Variants in PSG2 observed in about 807,000 individuals in gnomAD.
PSG2 encodes pregnancy specific beta-1-glycoprotein 2, also known as pregnancy-specific beta-1-glycoprotein 2.
Under a neutral mutation model 36.2 loss-of-function variants are expected in PSG2, and 49 were observed. That is an observed-to-expected ratio of 1.35 (90% CI 1.08 to 1.72). The LOEUF (loss-of-function observed/expected upper bound fraction) is 1.72. Ranked by LOEUF, PSG2 falls within the 40% of genes most tolerant of loss-of-function variation. The probability of loss-of-function intolerance (pLI) is 0.00; values close to 1 mark genes in which losing one functional copy is unlikely to be tolerated. For synonymous variants in PSG2, 261 were observed against 155.6 expected (o/e 1.68, Z -5.04); for missense variants, 605 against 407.2 (o/e 1.49, Z -4.18).
chr19:43,074,164 T>G (rs4803569), intron 3 of PSG2, among the ~76,000 whole-genome samples: 24,965 of 151,494 alleles, frequency 0.16, 2,648 homozygotes, highest in East Asian at 0.49. Flanking sequence ...ACAGTGTTTC[T>G]GTTGTGGCAG....
At chr19:43,067,826 G>C (rs1433511584) in intron 4 of PSG2, among the ~76,000 whole-genome samples, 1 of 151,414 alleles carries the variant, frequency 6.6e-6, no homozygotes, top group South Asian at 2.1e-4. Flanking sequence ...TAAGGAATCA[G>C]AGGTTCAGAG....
At chr19:43,071,668 C>A (rs759216184) in intron 4 of PSG2, 32 bp downstream of exon 4, 5 of 1,612,656 alleles carry the variant, frequency 3.1e-6, no homozygotes, top group South Asian at 1.1e-5. Flanking sequence ...CCACCTAAAA[C>A]CCTACTGCCA....
Position 43,064,620 on chromosome 19 carries a change from T to G in PSG2, c.*41-19A>C, listed in dbSNP as rs1297127325. On this transcript the variant is annotated intron_variant, in intron 5 of 5. Transcript: ENST00000406487. ...AAATCTCCTTGAAGAAAAAGCAATTTTGGACTGTAGGTGATTGTAAGTAGT... is the reference window on the plus strand; with the variant it reads ...AAATCTCCTTGAAGAAAAAGCAATTGTGGACTGTAGGTGATTGTAAGTAGT... The G allele has an allele frequency of 4.7e-6, 3 of 632,512 alleles. No individual in the cohort carries two copies. In the South Asian group the frequency reaches 4.8e-5, roughly 10 times the overall value. 39.2% of individuals were successfully genotyped at this position (632,512 alleles called of 1,614,324 possible).
intron 4 of PSG2, 101 bp from the exon 5 acceptor site, chr19:43,066,701 T>C (rs45479292): frequency 0.11 from 148,492 of 1,402,194 alleles, 8,930 homozygotes; most frequent in Admixed American, 0.18. Flanking sequence ...TATAATTGTT[T>C]CTTCAAGGAC....
At chr19:43,075,660 C>A in intron 2 of PSG2, 28 bp from the exon 3 acceptor site, 1 of 1,598,568 alleles carries the variant, frequency 6.3e-7, no homozygotes, top group Non-Finnish European at 8.5e-7. Flanking sequence ...AGAAGATTGC[C>A]CTGTGTGGCA....
intron 1 of PSG2, among the ~76,000 whole-genome samples, chr19:43,081,574 T>C (rs144986888): frequency 2.0e-5 from 3 of 151,620 alleles, no homozygotes; most frequent in Non-Finnish European, 4.4e-5. Context: ...CACATCAGGG[T>C]ATCCTAAGAC....
chr19:43,073,360 C>T (rs1599707642), intron 3 of PSG2, among the ~76,000 whole-genome samples: 1 of 151,826 alleles, frequency 6.6e-6, no homozygotes, highest in Middle Eastern at 3.4e-3. Context: ...TGTTCCCTGT[C>T]TTGGGTTCTT....
chr19:43,070,144 T>G (rs1967795755), intron 4 of PSG2, among the ~76,000 whole-genome samples: 1 of 151,582 alleles, frequency 6.6e-6, no homozygotes, highest in Admixed American at 6.6e-5. Context: ...TTACACCACC[T>G]CACACACTTT....
chr19:43,070,938 T>C lies in PSG2; in HGVS notation c.964+762A>G, dbSNP rs1007911659. 8.6e-5 allele frequency among the ~76,000 whole-genome samples: 13 copies of C among 151,626 alleles called. 1 individual carries two copies. The highest frequency in any genetic ancestry group is 3.2e-4 in the African/African-American group (13 of 41,040). ...AGCTCCAGGGGTGAATCTCCCTATT[T>C]CTCTAGCTCTGCATCAGTCACAGTC... On this transcript the variant is annotated intron_variant, in intron 4 of 5. Transcript: ENST00000406487.
intron 2 of PSG2, among the ~76,000 whole-genome samples, chr19:43,077,334 G>A (rs1442082275): frequency 1.3e-5 from 2 of 151,680 alleles, no homozygotes; most frequent in Non-Finnish European, 2.9e-5. Context: ...AAGGGAGGAA[G>A]GATGCCAAAT....
chr19:43,072,722 A>G, intron 3 of PSG2: 2 of 1,557,528 alleles, frequency 1.3e-6, no homozygotes, highest in Admixed American at 1.8e-5. Flanking sequence ...CCCACCTCTC[A>G]GCCCACCTGA....
intron 4 of PSG2, among the ~76,000 whole-genome samples, chr19:43,070,030 A>G (rs1967794223): frequency 6.6e-6 from 1 of 151,786 alleles, no homozygotes; most frequent in Admixed American, 6.6e-5. Flanking sequence ...ACAAAAGATT[A>G]AAATGGAGTT....
chr19:43,074,610 T>G (rs1812661788), intron 3 of PSG2, among the ~76,000 whole-genome samples: 1 of 151,604 alleles, frequency 6.6e-6, no homozygotes, highest in African/African-American at 2.4e-5. Flanking sequence ...TGATTTTCCC[T>G]CTCCCTTTGC....
intron 3 of PSG2, chr19:43,072,716 C>T: frequency 6.4e-7 from 1 of 1,566,534 alleles, no homozygotes; most frequent in Non-Finnish European, 8.6e-7. Flanking sequence ...CCATCTCCCA[C>T]CTCTCAGCCC....
At chr19:43,077,116 A>G (rs1182058236) in intron 2 of PSG2, among the ~76,000 whole-genome samples, 3 of 151,788 alleles carry the variant, frequency 2.0e-5, no homozygotes, top group Admixed American at 2.0e-4. Flanking sequence ...CATAAGTGGA[A>G]ATTTTTACTG....
chr19:43,081,408 A>G (rs1750415709), intron 1 of PSG2, among the ~76,000 whole-genome samples, 162 bp from the exon 2 acceptor site: 1 of 148,856 alleles, frequency 6.7e-6, no homozygotes, highest in South Asian at 2.1e-4. Flanking sequence ...CAAAAGGGGC[A>G]TGTGTGTTTG....
chr19:43,077,309 T>C (rs1008382090), intron 2 of PSG2, among the ~76,000 whole-genome samples: 10 of 151,800 alleles, frequency 6.6e-5, no homozygotes, highest in Admixed American at 2.6e-4. Context: ...AACTGGTCAG[T>C]GCATCAATTA....
chr19:43,070,423 T>C lies in PSG2; in HGVS notation c.964+1277A>G, dbSNP rs1967799445. Among the ~76,000 whole-genome samples the C allele has an allele frequency of 2.6e-5, 4 of 151,766 alleles. No homozygotes were observed. The South Asian group carries it at 8.3e-4, about 32-fold the overall frequency. On this transcript the variant is annotated intron_variant, in intron 4 of 5. Coordinates refer to ENST00000406487, the MANE Select transcript of PSG2 (RefSeq NM_031246.4). Reference sequence around the variant, plus strand: ...ATGTTCAGAGAAGCATTACTCACACTAGCGAAAAAATGGAAACAACCAAAA... The same window carrying C: ...ATGTTCAGAGAAGCATTACTCACACCAGCGAAAAAATGGAAACAACCAAAA...
At chr19:43,066,108 T>G (rs1361101628) in intron 5 of PSG2, among the ~76,000 whole-genome samples, 1 of 151,596 alleles carries the variant, frequency 6.6e-6, no homozygotes, top group Non-Finnish European at 1.5e-5. Flanking sequence ...TAACCAGATT[T>G]TAGAAAGGTA....
Sources: allele counts gnomAD v4.1 joint callset (sites outside exome capture counted in the v4.1 genomes callset), GRCh38; gene constraint gnomAD v4.1.1; transcripts MANE v1.5; gene names NCBI Gene and HGNC (gene_info 2026-07-23, HGNC 2026-07-21).